KCNQ3: variants seen among roughly 807,000 people sequenced by gnomAD.
KCNQ3 encodes the protein potassium voltage-gated channel subfamily KQT member 3.
A neutral mutation model predicts 92.5 loss-of-function variants in KCNQ3; 30 were observed. That is an observed-to-expected ratio of 0.32 (90% CI 0.24 to 0.44). The LOEUF (loss-of-function observed/expected upper bound fraction) is 0.44, where lower values mean the gene tolerates loss of function less well. KCNQ3 is among the 20% of genes least tolerant of loss of function. The pLI is 1.00. For synonymous variants in KCNQ3, 450 were observed against 468.8 expected (o/e 0.96, Z 0.52); for missense variants, 913 against 1,140.3 (o/e 0.80, Z 2.87).
intron 9 of KCNQ3, among the ~76,000 whole-genome samples, chr8:132,160,663 A>G (rs1232804856): frequency 4.0e-5 from 6 of 149,346 alleles, no homozygotes; most frequent in Non-Finnish European, 5.9e-5. Flanking sequence ...GCCCATAGTC[A>G]GTTATAAAGC....
chr8:132,382,868 T>C (rs1391484545), intron 1 of KCNQ3, among the ~76,000 whole-genome samples: 1 of 152,150 alleles, frequency 6.6e-6, no homozygotes, highest in Non-Finnish European at 1.5e-5. Flanking sequence ...CTCAGCTCTG[T>C]TCATTTGGCT....
At chr8:132,425,971 A>G (rs1431532301) in intron 1 of KCNQ3, among the ~76,000 whole-genome samples, 1 of 152,250 alleles carries the variant, frequency 6.6e-6, no homozygotes, top group Non-Finnish European at 1.5e-5. Flanking sequence ...AATTTTGAAG[A>G]AAATGAATTC....
chr8:132,457,042 G>A (rs1821957964), intron 1 of KCNQ3, among the ~76,000 whole-genome samples: 1 of 152,236 alleles, frequency 6.6e-6, no homozygotes, highest in African/African-American at 2.4e-5. Flanking sequence ...TCTGAAGCCA[G>A]GAGCCTTAGG....
At chr8:132,302,584 A>T (rs1817253935) in intron 1 of KCNQ3, among the ~76,000 whole-genome samples, 1 of 152,262 alleles carries the variant, frequency 6.6e-6, no homozygotes, top group Non-Finnish European at 1.5e-5. Context: ...GCTGGACAAC[A>T]TAATGAAGAC....
At chr8:132,144,484 C>G (rs944846665) in intron 9 of KCNQ3, among the ~76,000 whole-genome samples, 1 of 152,208 alleles carries the variant, frequency 6.6e-6, no homozygotes, top group Non-Finnish European at 1.5e-5. Context: ...GCAAGAAAAG[C>G]CTTCCCCAGA....
intron 9 of KCNQ3, among the ~76,000 whole-genome samples, chr8:132,155,980 C>G (rs747165199): frequency 1.3e-5 from 2 of 152,038 alleles, no homozygotes; most frequent in African/African-American, 4.8e-5. Context: ...CTGCTGAACT[C>G]GAAGGCCTGT....
intron 1 of KCNQ3, among the ~76,000 whole-genome samples, chr8:132,407,610 G>C (rs556250139): frequency 2.0e-5 from 3 of 152,214 alleles, no homozygotes; most frequent in Admixed American, 6.5e-5. Context: ...CCTTCTCCCT[G>C]GGACACCCTT....
intron 1 of KCNQ3, among the ~76,000 whole-genome samples, chr8:132,268,228 C>T (rs7001804): frequency 0.44 from 66,804 of 152,000 alleles, 16,669 homozygotes; most frequent in East Asian, 0.69. Context: ...TAGTAATATG[C>T]ATTTAAATTT....
At chr8:132,212,535 C>T (rs548859858) in intron 1 of KCNQ3, among the ~76,000 whole-genome samples, 3 of 152,080 alleles carry the variant, frequency 2.0e-5, no homozygotes, top group Non-Finnish European at 2.9e-5. Flanking sequence ...TCATTCTCTT[C>T]GGGACATGTC....
At chr8:132,341,014 TAA>T (rs1367045718) in intron 1 of KCNQ3, among the ~76,000 whole-genome samples, 1 of 152,222 alleles carries the variant, frequency 6.6e-6, no homozygotes, top group Non-Finnish European at 1.5e-5. Context: ...TCAGTCACAG[TAA>T]AGACATTTCA....
At chr8:132,327,398 C>T (rs1447164966) in intron 1 of KCNQ3, among the ~76,000 whole-genome samples, 1 of 152,154 alleles carries the variant, frequency 6.6e-6, no homozygotes, top group Non-Finnish European at 1.5e-5. Context: ...AACCGAGGCT[C>T]AGAGAGATCA....
In KCNQ3 at chr8:132,140,190, A is replaced by G. The variant is rs1268220748; in HGVS notation, c.1466-12T>C. 5 of 1,600,928 alleles carry G rather than the reference A, an allele frequency of 3.1e-6. No homozygotes were observed. In the Admixed American group the frequency reaches 8.3e-5, roughly 27 times the overall value. On this transcript the variant is annotated splice_polypyrimidine_tract_variant and intron_variant, in intron 10 of 14. Coordinates refer to ENST00000388996, the MANE Select transcript of KCNQ3 (RefSeq NM_004519.4). ...ACCTGTCCCGGCATCTGGGAGGGAG[A>G]CACACATATGAACGGCAGGCCACAG...
At position 132,129,867 on chromosome 8, in the gene KCNQ3, T is replaced by C. The variant is rs554613662; in HGVS notation, c.2014A>G (p.Lys672Glu). ...AAATCGGAATACCTGTTGTCCTCCTTCTTCTCTGCTTCAGCTGGCGAGGAG... is the reference window on the plus strand; with the variant it reads ...AAATCGGAATACCTGTTGTCCTCCTCCTTCTCTGCTTCAGCTGGCGAGGAG... ...GTSSPAEAEK[K>E]EDNRYSDLKT... is the part of the protein sequence containing the mutation. Residue 672 changes from lysine to glutamate, a missense_variant, in exon 15 of 15, where the codon AAG (lysine) becomes GAG (glutamate). By Grantham distance (56) the Lys-to-Glu change is moderately conservative (BLOSUM62 1). Coordinates refer to ENST00000388996, the MANE Select transcript of KCNQ3 (RefSeq NM_004519.4). The surrounding 1 kb of genome is among the most constrained non-coding windows in gnomAD (Gnocchi z 5.9). 4.3e-6 allele frequency: 7 copies of C among 1,614,138 alleles called. No individual in the cohort carries two copies. The highest frequency in any genetic ancestry group is 5.9e-6 in the Non-Finnish European group (7 of 1,180,024).
chr8:132,134,403 CA>C lies in KCNQ3; in HGVS notation c.1701-16del. 1 of 1,540,494 alleles carries C rather than the reference CA, an allele frequency of 6.5e-7. No individual in the cohort carries two copies. The highest frequency in any genetic ancestry group is 9.0e-7 in the Non-Finnish European group (1 of 1,113,006). On this transcript the variant is annotated splice_polypyrimidine_tract_variant and intron_variant, in intron 12 of 14. Coordinates refer to ENST00000388996, the MANE Select transcript of KCNQ3 (RefSeq NM_004519.4). Reference sequence around the variant, plus strand: ...TCATATCTATTCTGAAAGAAACAAACAGAGCAGGGATTAAATTACACAGAGC... The same window carrying C: ...TCATATCTATTCTGAAAGAAACAAACGAGCAGGGATTAAATTACACAGAGC...
intron 1 of KCNQ3, among the ~76,000 whole-genome samples, chr8:132,463,848 T>C (rs1169704568): frequency 6.6e-6 from 1 of 152,262 alleles, no homozygotes; most frequent in East Asian, 1.9e-4. Context: ...AGTTTTCCTC[T>C]GACGCCCAGG....
intron 1 of KCNQ3, among the ~76,000 whole-genome samples, chr8:132,434,105 G>A (rs969344581): frequency 1.1e-4 from 16 of 149,976 alleles, no homozygotes; most frequent in African/African-American, 3.9e-4. Context: ...CTACTTGGGA[G>A]GCTGAGGCAG....
intron 1 of KCNQ3, among the ~76,000 whole-genome samples, chr8:132,307,872 G>A (rs1817475272): frequency 1.3e-5 from 2 of 152,120 alleles, no homozygotes; most frequent in South Asian, 4.2e-4. Flanking sequence ...ATGAGTCGGG[G>A]AGTTGCACAG....
intron 1 of KCNQ3, among the ~76,000 whole-genome samples, chr8:132,294,991 G>C (rs7842551): frequency 6.6e-6 from 1 of 152,032 alleles, no homozygotes; most frequent in East Asian, 1.9e-4. Context: ...ACAGGCAAAG[G>C]TTTCATGACG....
chr8:132,258,146 G>A (rs934410831), intron 1 of KCNQ3, among the ~76,000 whole-genome samples: 18 of 152,076 alleles, frequency 1.2e-4, no homozygotes, highest in African/African-American at 2.2e-4. Context: ...TTATACAACA[G>A]TATAGTTAGA....
Sources: gnomAD v4.1 joint callset for allele counts (sites outside exome capture counted in the v4.1 genomes callset) on GRCh38, gnomAD v4.1.1 for gene constraint, Gnocchi (gnomAD v3.1) non-coding constraint, MANE v1.5 for transcripts, NCBI Gene and HGNC (gene_info 2026-07-23, HGNC 2026-07-21) for gene names.